FGF14: variants seen among roughly 807,000 people sequenced by gnomAD.
FGF14 encodes fibroblast growth factor homologous factor 4.
FGF14 carries 5 observed loss-of-function variants against 25.5 expected under a neutral mutation model. The ratio of observed to expected loss-of-function variants is 0.20; its 90% confidence interval spans 0.10 to 0.41. FGF14 has a LOEUF of 0.41. Among genes scored for constraint, FGF14 ranks in the 10% least tolerant of loss-of-function variants. The pLI is 1.00. For synonymous variants in FGF14, 138 were observed against 118.3 expected, an observed-to-expected ratio of 1.17 and a Z score of -1.08; for missense variants, 222 against 320.1, an observed-to-expected ratio of 0.69 and a Z score of 2.34.
intron 3 of FGF14, among the ~76,000 whole-genome samples, chr13:101,731,625 C>G (rs2035819110): frequency 6.6e-6 from 1 of 152,080 alleles, no homozygotes; most frequent in Admixed American, 6.6e-5. Flanking sequence ...CGTGATGGGC[C>G]ATTTGCTTGT....
chr13:101,945,811 G>A (rs565949094), intron 1 of FGF14, among the ~76,000 whole-genome samples: 2 of 152,306 alleles, frequency 1.3e-5, no homozygotes, highest in Middle Eastern at 3.4e-3. Context: ...GAAATGGAAG[G>A]ATGCAGTGTT....
chr13:101,738,228 C>T (rs1182910786), intron 3 of FGF14, among the ~76,000 whole-genome samples: 1 of 152,034 alleles, frequency 6.6e-6, no homozygotes, highest in African/African-American at 2.4e-5. Context: ...GATATTTCAC[C>T]TACATCATGC....
intron 3 of FGF14, among the ~76,000 whole-genome samples, chr13:101,728,573 C>T (rs575353552): frequency 6.6e-5 from 10 of 152,130 alleles, no homozygotes; most frequent in Non-Finnish European, 1.3e-4. Context: ...AATCTGGCTT[C>T]TCCCCAAGAG....
intron 4 of FGF14, among the ~76,000 whole-genome samples, chr13:101,724,013 G>A (rs2035185003): frequency 6.6e-6 from 1 of 152,032 alleles, no homozygotes; most frequent in African/African-American, 2.4e-5. Context: ...AATGCATCAC[G>A]TGAGTTTTCA....
chr13:101,925,380 T>A (rs1376084111), intron 1 of FGF14, among the ~76,000 whole-genome samples: 4 of 152,172 alleles, frequency 2.6e-5, no homozygotes, highest in Non-Finnish European at 4.4e-5. Flanking sequence ...TATTCTACAT[T>A]CTTCCAAAAA....
rs2034456108 is a variant in FGF14 at position 101,711,308 on chromosome 13, T to G, written c.*11523A>C. ...AAACACATGTCATTAACTGTCTCCT[T>G]AAACTCTCACAGTGATACTTCTTGG... On this transcript the variant is annotated 3_prime_UTR_variant, in exon 5 of 5. Transcript: ENST00000376143. 1 of 152,238 alleles carries G rather than the reference T, an allele frequency of 6.6e-6. No individual in the cohort carries two copies. Among genetic ancestry groups the G allele is most frequent in the South Asian group, 2.1e-4 (1 of 4,828 alleles). 9.4% of individuals were successfully genotyped at this position (152,238 alleles called of 1,614,324 possible). A position where few individuals can be genotyped will look rare whatever the true frequency, so the allele number is the denominator to read the frequency against.
At chr13:101,929,756 C>A (rs1284451924) in intron 1 of FGF14, among the ~76,000 whole-genome samples, 1 of 152,152 alleles carries the variant, frequency 6.6e-6, no homozygotes, top group Non-Finnish European at 1.5e-5. Context: ...CACATATATA[C>A]ATGCACACAT....
chr13:102,401,107 C>CGCGGTTCTTTTTCCTG (rs2058694252), intron 1 of FGF14, among the ~76,000 whole-genome samples: 1 of 151,986 alleles, frequency 6.6e-6, no homozygotes, highest in Admixed American at 6.6e-5. Context: ...AAGGGGAGCT[C>CGCGGTTCTTTTTCCTG]GCGGTTCTTT....
At chr13:101,931,773 G>C (rs112304390) in intron 1 of FGF14, among the ~76,000 whole-genome samples, 1 of 152,042 alleles carries the variant, frequency 6.6e-6, no homozygotes, top group African/African-American at 2.4e-5. Flanking sequence ...GTACTTCAGC[G>C]GATCTGTACC....
intron 1 of FGF14, among the ~76,000 whole-genome samples, chr13:102,044,785 A>G (rs572979692): frequency 2.0e-5 from 3 of 152,240 alleles, no homozygotes; most frequent in Admixed American, 1.3e-4. Flanking sequence ...GTCCCCCACA[A>G]CTTTCCAACA....
rs191217504 is a variant in FGF14, at chr13:102,337,663, G to A, written c.208+63808C>T. Among the ~76,000 whole-genome samples the A allele has an allele frequency of 3.4e-3, 516 of 152,162 alleles. 1 individual carries two copies. Among genetic ancestry groups the A allele is most frequent in the African/African-American group, 0.012 (483 of 41,504 alleles). ...TGCTACAGAGAAATTTCTAGTGAAAGGAAGAGTCCATTGATGAAGCAAACT... is the reference window on the plus strand; with the variant it reads ...TGCTACAGAGAAATTTCTAGTGAAAAGAAGAGTCCATTGATGAAGCAAACT... On this transcript the variant is annotated intron_variant, in intron 1 of 4. Transcript: ENST00000376131.
intron 1 of FGF14, among the ~76,000 whole-genome samples, chr13:102,317,235 T>G (rs2056066790): frequency 6.6e-6 from 1 of 152,188 alleles, no homozygotes; most frequent in African/African-American, 2.4e-5. Flanking sequence ...AGTAAGATTC[T>G]TAAGACCTTT....
At chr13:101,979,695 T>G (rs559028130) in intron 1 of FGF14, among the ~76,000 whole-genome samples, 1 of 152,136 alleles carries the variant, frequency 6.6e-6, no homozygotes, top group South Asian at 2.1e-4. Flanking sequence ...ACTAAATAGG[T>G]TGAAGGCAAA....
At chr13:102,114,863 A>T (rs1168055969) in intron 1 of FGF14, among the ~76,000 whole-genome samples, 1 of 152,182 alleles carries the variant, frequency 6.6e-6, no homozygotes, top group Non-Finnish European at 1.5e-5. Context: ...CAAGAGGCAT[A>T]AAGTTTCAGT....
At chr13:102,257,663 C>T (rs2052517825) in intron 1 of FGF14, among the ~76,000 whole-genome samples, 1 of 152,036 alleles carries the variant, frequency 6.6e-6, no homozygotes, top group South Asian at 2.1e-4. Flanking sequence ...CCAATAGAGT[C>T]CCCAACTACC....
In FGF14 at chr13:102,189,999, C is replaced by T. The variant is rs182163222; in HGVS notation, c.208+211472G>A. On this transcript the variant is annotated intron_variant, in intron 1 of 4. Coordinates refer to the FGF14 transcript ENST00000376131. ...TGACTCAAACACCTCCCACTAGACA[C>T]CTCCAACTTTGGAGGTCACATTTCA... Among the ~76,000 whole-genome samples the T allele has an allele frequency of 2.0e-3, 302 of 152,290 alleles. 12 individuals are homozygous for T. In the South Asian group the frequency reaches 0.059, roughly 30 times the overall value.
intron 1 of FGF14, among the ~76,000 whole-genome samples, chr13:102,101,268 G>C (rs1297356692): frequency 6.6e-6 from 1 of 152,026 alleles, no homozygotes; most frequent in Non-Finnish European, 1.5e-5. Flanking sequence ...CTTTTATTCA[G>C]AAAAATTGTT....
intron 3 of FGF14, among the ~76,000 whole-genome samples, chr13:101,801,678 G>C (rs1009266564): frequency 1.3e-5 from 2 of 152,184 alleles, no homozygotes; most frequent in Non-Finnish European, 2.9e-5. Flanking sequence ...TGAAACACAA[G>C]CTCCAGCAAG....
At chr13:102,385,110 A>G (rs1327810464) in intron 1 of FGF14, among the ~76,000 whole-genome samples, 1 of 152,242 alleles carries the variant, frequency 6.6e-6, no homozygotes, top group African/African-American at 2.4e-5. Flanking sequence ...ATATGGAGAC[A>G]GCAGCCAACA....
Sources: gnomAD v4.1 joint callset for allele counts (sites outside exome capture counted in the v4.1 genomes callset) on GRCh38, gnomAD v4.1.1 for gene constraint, MANE v1.5 for transcripts, NCBI Gene and HGNC (gene_info 2026-07-23, HGNC 2026-07-21) for gene names.